Variants in MAB21L3 observed in about 807,000 individuals in gnomAD.
The protein encoded by MAB21L3 is mab-21 like 3.
In MAB21L3, 36 loss-of-function variants were observed where a neutral mutation model predicts 37.7. The observed-to-expected ratio is 0.96, with a 90% CI of 0.73 to 1.26. The LOEUF is 1.26. Among genes scored for constraint, MAB21L3 ranks in the 50% most tolerant of loss-of-function variants. The probability of loss-of-function intolerance (pLI) is 0.00; values close to 1 mark genes in which losing one functional copy is unlikely to be tolerated. For synonymous variants in MAB21L3, 186 were observed against 176.8 expected (o/e 1.05, Z -0.41); for missense variants, 430 against 447.3 (o/e 0.96, Z 0.35).
intron 3 of MAB21L3, among the ~76,000 whole-genome samples, chr1:116,117,400 C>T (rs927066790): frequency 1.3e-5 from 2 of 152,018 alleles, no homozygotes; most frequent in Non-Finnish European, 2.9e-5. Context: ...GACTTCAGGT[C>T]CCTGAAGTGG....
chr1:116,114,062 C>T (rs1369444031), intron 3 of MAB21L3, among the ~76,000 whole-genome samples: 1 of 152,122 alleles, frequency 6.6e-6, no homozygotes, highest in African/African-American at 2.4e-5. Context: ...AGAAAGAGTC[C>T]CTGACACCCC....
At position 116,112,679 on chromosome 1, in the gene MAB21L3, G is replaced by A. The variant is rs1428737905; in HGVS notation, c.48+16G>A. On this transcript the variant is annotated intron_variant, in intron 3 of 7. Transcript: ENST00000369500. ...ACTGAATAAGGTAAGGACAGACCCG[G>A]TCTCTCCCATGAACCCCCTCCCCAT... 2 of 1,613,554 alleles carry A rather than the reference G, an allele frequency of 1.2e-6. No homozygotes were observed. The highest frequency in any genetic ancestry group is 1.3e-5 in the African/African-American group (1 of 74,896).
chr1:116,120,865 C>T, intron 3 of MAB21L3, 67 bp from the exon 4 acceptor site: 1 of 1,591,280 alleles, frequency 6.3e-7, no homozygotes, highest in Non-Finnish European at 8.6e-7. Context: ...TCTCCTCACT[C>T]TCTTATGCTG....
At chr1:116,127,097 A>T (rs1023272281) in intron 5 of MAB21L3, among the ~76,000 whole-genome samples, 7 of 152,204 alleles carry the variant, frequency 4.6e-5, no homozygotes, top group Non-Finnish European at 1.0e-4. Context: ...GTCAAGGAGC[A>T]TCTATACTAC....
intron 5 of MAB21L3, among the ~76,000 whole-genome samples, chr1:116,126,940 G>C (rs756922829): frequency 6.6e-6 from 1 of 152,176 alleles, no homozygotes; most frequent in African/African-American, 2.4e-5. Flanking sequence ...TGTGTTAGAT[G>C]ATTTTGCCCA....
At position 116,137,932 on chromosome 1, in the gene MAB21L3, A is replaced by C. The variant is rs1349579018; in HGVS notation, c.*4567A>C. Among the ~76,000 whole-genome samples the C allele has an allele frequency of 7.3e-6, 1 of 137,200 alleles. No homozygotes were observed. Among genetic ancestry groups the C allele is most frequent in the South Asian group, 2.3e-4 (1 of 4,304 alleles). The allele number at this position is 137,200 out of a possible 152,430, so 90.0% of individuals were successfully genotyped here. A position where few individuals can be genotyped will look rare whatever the true frequency, so the allele number is the denominator to read the frequency against. On this transcript the variant is annotated 3_prime_UTR_variant, in exon 8 of 8. Coordinates refer to ENST00000369500, the MANE Select transcript of MAB21L3 (RefSeq NM_152367.3). The stretch of plus-strand genomic sequence containing the variant: ...GGTGGGAATTGAACAATGAGAACAC[A>C]TGGACACATTAAGGGTAACATCACA...
At position 116,133,344 on chromosome 1, in the gene MAB21L3, C is replaced by T. The variant is rs1046792950; in HGVS notation, c.1068C>T (p.Asn356=). 5.6e-6 allele frequency: 9 copies of T among 1,614,056 alleles called. No homozygotes were observed. The highest frequency in any genetic ancestry group is 2.7e-5 in the African/African-American group (2 of 74,934). ...AAAAGCTGGCCACCTTCCTGAAGAA[C>T]CCCCAGATCGGCCCGCCCTGATGGT... ...VAQKLATFLK[N]PQIGPP The change falls in exon 8 of 8, where the codon AAC becomes AAT. Residue 356 remains asparagine, a synonymous_variant. Coordinates refer to ENST00000369500, the MANE Select transcript of MAB21L3 (RefSeq NM_152367.3).
chr1:116,117,781 A>G (rs935806534), intron 3 of MAB21L3, among the ~76,000 whole-genome samples: 3 of 152,082 alleles, frequency 2.0e-5, no homozygotes, highest in African/African-American at 7.2e-5. Flanking sequence ...CCACTCTATA[A>G]AGAACATAGA....
At chr1:116,117,795 C>T (rs1379346403) in intron 3 of MAB21L3, among the ~76,000 whole-genome samples, 3 of 152,188 alleles carry the variant, frequency 2.0e-5, no homozygotes, top group Non-Finnish European at 4.4e-5. Context: ...ACATAGACGT[C>T]AGACTGGAAA....
At chr1:116,118,282 T>C (rs1255591414) in intron 3 of MAB21L3, among the ~76,000 whole-genome samples, 1 of 151,716 alleles carries the variant, frequency 6.6e-6, no homozygotes, top group African/African-American at 2.4e-5. Flanking sequence ...CTCGGGAGGC[T>C]GAGGCAGGAC....
intron 3 of MAB21L3, among the ~76,000 whole-genome samples, chr1:116,120,382 T>C (rs1051233688): frequency 5.2e-5 from 7 of 135,352 alleles, no homozygotes; most frequent in African/African-American, 1.8e-4. Flanking sequence ...ATGGGACTTA[T>C]CATACTTGAT....
chr1:116,119,553 C>A (rs1659685042), intron 3 of MAB21L3, among the ~76,000 whole-genome samples: 1 of 151,950 alleles, frequency 6.6e-6, no homozygotes, highest in Admixed American at 6.6e-5. Context: ...GCCATTATAC[C>A]AAATTCAGAG....
intron 4 of MAB21L3, 90 bp from the exon 5 acceptor site, chr1:116,123,976 C>G: frequency 6.6e-6 from 9 of 1,364,602 alleles, no homozygotes; most frequent in Non-Finnish European, 8.0e-6. Flanking sequence ...GTTAACAGAG[C>G]TGCCTGACGA....
rs190682778 is a variant in MAB21L3, at chr1:116,123,694, T to C, written c.190-372T>C. 9.8e-5 allele frequency among the ~76,000 whole-genome samples: 15 copies of C among 152,328 alleles called. No individual in the cohort carries two copies. The South Asian group carries it at 2.5e-3, about 25-fold the overall frequency. On this transcript the variant is annotated intron_variant, in intron 4 of 7. Coordinates refer to ENST00000369500, the MANE Select transcript of MAB21L3 (RefSeq NM_152367.3). Reference sequence around the variant, plus strand: ...CTCACCTTACTGTGTGACTGTGAAGTTGAAATGGTCAAATGCATTAGAATT... The same window carrying C: ...CTCACCTTACTGTGTGACTGTGAAGCTGAAATGGTCAAATGCATTAGAATT...
At chr1:116,126,026 G>T (rs1041858117) in intron 5 of MAB21L3, among the ~76,000 whole-genome samples, 13 of 152,226 alleles carry the variant, frequency 8.5e-5, no homozygotes, top group African/African-American at 3.1e-4. Flanking sequence ...CAGTTGTCAT[G>T]TTCCTGTCTG....
At chr1:116,117,768 C>A (rs1397270296) in intron 3 of MAB21L3, among the ~76,000 whole-genome samples, 1 of 152,192 alleles carries the variant, frequency 6.6e-6, no homozygotes, top group Non-Finnish European at 1.5e-5. Context: ...TCATTAACAT[C>A]TCCCACTCTA....
chr1:116,130,427 G>A (rs1024114813), intron 7 of MAB21L3, among the ~76,000 whole-genome samples: 2 of 152,328 alleles, frequency 1.3e-5, no homozygotes, highest in Admixed American at 1.3e-4. Flanking sequence ...AGTGCTAACT[G>A]CCTTTTTCTC....
intron 7 of MAB21L3, among the ~76,000 whole-genome samples, chr1:116,128,949 A>G (rs939151311): frequency 6.6e-6 from 1 of 152,140 alleles, no homozygotes; most frequent in Admixed American, 6.5e-5. Context: ...AACAGTACAC[A>G]TTCATTCATG....
At chr1:116,115,376 A>G (rs1046594160) in intron 3 of MAB21L3, among the ~76,000 whole-genome samples, 2 of 152,216 alleles carry the variant, frequency 1.3e-5, no homozygotes, top group African/African-American at 4.8e-5. Context: ...GTGCGTATCT[A>G]TCACTGGATT....
Sources: allele counts gnomAD v4.1 joint callset (sites outside exome capture counted in the v4.1 genomes callset), GRCh38; gene constraint gnomAD v4.1.1; transcripts MANE v1.5; gene names NCBI Gene and HGNC (gene_info 2026-07-23, HGNC 2026-07-21).